Variants in DIO2 observed in about 807,000 individuals in gnomAD.
The protein encoded by DIO2 is type II iodothyronine deiodinase.
A neutral mutation model predicts 21.4 loss-of-function variants in DIO2; 19 were observed. The ratio of observed to expected loss-of-function variants is 0.89; its 90% CI spans 0.62 to 1.30. The LOEUF (loss-of-function observed/expected upper bound fraction) is 1.30. DIO2 is among the 50% of genes most tolerant of loss of function. DIO2 has a pLI of 0.00. For missense variants in DIO2, 302 were observed against 338.1 expected (o/e 0.89, Z 0.84); for synonymous variants, 122 against 132.9 (o/e 0.92, Z 0.57).
chr14:80,218,331 T>C (rs982988169), intron 2 of DIO2, among the ~76,000 whole-genome samples: 2 of 152,158 alleles, frequency 1.3e-5, no homozygotes, highest in Admixed American at 6.5e-5. Context: ...ACTTTGGATG[T>C]AGTAGAAAAT....
At chr14:80,209,245 A>G (rs918343853) in intron 1 of DIO2, among the ~76,000 whole-genome samples, 1 of 152,170 alleles carries the variant, frequency 6.6e-6, no homozygotes, top group Admixed American at 6.5e-5. Context: ...GTAACATTAC[A>G]GCCCCCATTG....
At chr14:80,204,850 T>C (rs1405764620) in intron 1 of DIO2, among the ~76,000 whole-genome samples, 1 of 152,160 alleles carries the variant, frequency 6.6e-6, no homozygotes, top group African/African-American at 2.4e-5. Flanking sequence ...TTAAAGTTCT[T>C]TCTCTCCCTT....
chr14:80,211,448 G>T lies in DIO2; in HGVS notation c.25C>A (p.Leu9Met). MGILSVDLLITLQILPVFF... is the reference protein window; with the variant it reads MGILSVDLMITLQILPVFF... ...ACTGGCAGAATTTGCAGTGTGATCA[G>T]CAAGTCTACGCTGAGGATGCCCATC... The change falls in exon 1 of 2, where the codon CTG becomes ATG. Residue 9 changes from leucine (L) to methionine (M), a missense_variant. Coordinates refer to ENST00000438257, the MANE Select transcript of DIO2 (RefSeq NM_013989.5). 6.2e-7 allele frequency: 1 copy of T among 1,611,044 alleles called. No homozygotes were observed. Among genetic ancestry groups the T allele is most frequent in the Non-Finnish European group, 8.5e-7 (1 of 1,178,836 alleles).
chr14:80,219,585 C>T (rs1013036311), intron 2 of DIO2: 1 of 149,398 alleles, frequency 6.7e-6, no homozygotes, highest in African/African-American at 2.5e-5. Flanking sequence ...TTAGTCATTG[C>T]GCTGGGCATT....
upstream of DIO2, chr14:80,211,575 AAGGTTGGGGGTTGGGG>A: frequency 6.3e-5 from 2 of 31,782 alleles, no homozygotes; most frequent in East Asian, 6.6e-4. Flanking sequence ...GGTAAGGGGG[AAGGTTGGGGGTTGGGG>A]GAGAAGGGGA....
rs765759364 is a variant in DIO2 at position 80,202,928 on chromosome 14, C to T, written c.583G>A (p.Ala195Thr). 6.2e-7 allele frequency: 1 copy of T among 1,613,984 alleles called. No individual in the cohort carries two copies. Among genetic ancestry groups the T allele is most frequent in the Non-Finnish European group, 8.5e-7 (1 of 1,179,892 alleles). Residue 195 changes from alanine (A) to threonine (T), a missense_variant, in exon 2 of 2, where the codon GCC (alanine) becomes ACC (threonine). Transcript: ENST00000438257. ...GAGAAACGCTCCAGAAGCTGCTGGG[C>T]TGCTGCACATCGATCTTCCTGGTTC... Reference protein sequence around the residue: ...HQNQEDRCAAAQQLLERFSLP... With the variant: ...HQNQEDRCAATQQLLERFSLP...
intron 2 of DIO2, among the ~76,000 whole-genome samples, chr14:80,224,304 A>T (rs1360442284): frequency 2.0e-5 from 3 of 152,136 alleles, no homozygotes; most frequent in Admixed American, 6.6e-5. Context: ...TAGGCTAAAA[A>T]ATTCCACCAC....
At chr14:80,214,376 A>C (rs761566219), upstream of DIO2, among the ~76,000 whole-genome samples, 1 of 152,262 alleles carries the variant, frequency 6.6e-6, no homozygotes, top group Non-Finnish European at 1.5e-5. Context: ...AGAAAATCAG[A>C]AAAACCTTTC....
intron 1 of DIO2, among the ~76,000 whole-genome samples, chr14:80,206,552 C>T (rs1887965718): frequency 1.3e-5 from 2 of 152,056 alleles, no homozygotes; most frequent in East Asian, 1.9e-4. Context: ...CCATTGTCTT[C>T]GATGATGGAA....
intron 2 of DIO2, among the ~76,000 whole-genome samples, chr14:80,223,313 C>T (rs1181539645): frequency 6.6e-6 from 1 of 152,102 alleles, no homozygotes; most frequent in Non-Finnish European, 1.5e-5. Context: ...AAGTTACATA[C>T]CTTGTCAATT....
rs1887720369 is a variant in DIO2, at chr14:80,201,474, A to AAT, written c.*1213_*1214dup. On this transcript the variant is annotated 3_prime_UTR_variant, in exon 2 of 2. Coordinates refer to ENST00000438257, the MANE Select transcript of DIO2 (RefSeq NM_013989.5). Reference sequence around the variant, plus strand: ...GTACCTACCTCCCGCAGCAGCTGAGAATATATATACATATATTTGTATGTA... The same window carrying AAT: ...GTACCTACCTCCCGCAGCAGCTGAGAATATATATATACATATATTTGTATGTA... The AAT allele has an allele frequency of 6.6e-6, 1 of 152,128 alleles. No individual in the cohort carries two copies. Among genetic ancestry groups the AAT allele is most frequent in the Admixed American group, 6.5e-5 (1 of 15,274 alleles). 9.4% of individuals were successfully genotyped at this position (152,128 alleles called of 1,614,324 possible).
At chr14:80,211,955 C>G (rs1380748401), upstream of DIO2, 1 of 149,928 alleles carries the variant, frequency 6.7e-6, no homozygotes, top group African/African-American at 2.4e-5. Flanking sequence ...TTAAACGTAG[C>G]CTGTTTCTTT....
At chr14:80,225,243 C>A (rs1888551513) in intron 2 of DIO2, among the ~76,000 whole-genome samples, 1 of 152,132 alleles carries the variant, frequency 6.6e-6, no homozygotes, top group African/African-American at 2.4e-5. Context: ...TATCTACCAT[C>A]ACAAATCCAC....
intron 1 of DIO2, among the ~76,000 whole-genome samples, chr14:80,207,816 A>G (rs972478173): frequency 3.6e-4 from 55 of 152,026 alleles, no homozygotes; most frequent in African/African-American, 1.2e-3. Context: ...TCATTCCCCA[A>G]TGTTTTATCC....
Position 80,202,780 on chromosome 14 carries a change from T to C in DIO2, c.731A>G (p.Lys244Arg), listed in dbSNP as rs1459343425. Residue 244 changes from lysine to arginine, a missense_variant, in exon 2 of 2, where the codon AAG becomes AGG. By Grantham distance (26) the Lys-to-Arg change is conservative. Coordinates refer to ENST00000438257, the MANE Select transcript of DIO2 (RefSeq NM_013989.5). ...TTGAAGGTTGTAGGAGAAGGGGCCC[T>C]TTCCTCCCAGATAAGCAATTTTCTG... ...QRQKIAYLGG[K>R]GPFSYNLQEV... 6.2e-7 allele frequency: 1 copy of C among 1,613,836 alleles called. No individual in the cohort carries two copies. Among genetic ancestry groups the C allele is most frequent in the Non-Finnish European group, 8.5e-7 (1 of 1,179,868 alleles).
intron 2 of DIO2, among the ~76,000 whole-genome samples, chr14:80,222,441 A>C (rs1888483666): frequency 6.6e-6 from 1 of 152,224 alleles, no homozygotes; most frequent in African/African-American, 2.4e-5. Context: ...CTATCTACCT[A>C]GCCTTCCCCA....
At chr14:80,224,280 C>T (rs186061614) in intron 2 of DIO2, among the ~76,000 whole-genome samples, 44 of 152,186 alleles carry the variant, frequency 2.9e-4, no homozygotes, top group Admixed American at 4.6e-4. Context: ...TAGTTTGTTT[C>T]GCAATTTGTA....
chr14:80,223,644 A>T (rs902201589), intron 2 of DIO2, among the ~76,000 whole-genome samples: 7 of 152,208 alleles, frequency 4.6e-5, no homozygotes, highest in Non-Finnish European at 1.0e-4. Flanking sequence ...ATTCATAAAA[A>T]GTTGAAAAAG....
At chr14:80,211,006 T>C (rs112126952) in intron 1 of DIO2, among the ~76,000 whole-genome samples, 1 of 152,326 alleles carries the variant, frequency 6.6e-6, no homozygotes, top group South Asian at 2.1e-4. Flanking sequence ...CACAGCAAGA[T>C]ATTAATAACC....
Sources: allele counts gnomAD v4.1 joint callset (sites outside exome capture counted in the v4.1 genomes callset), GRCh38; gene constraint gnomAD v4.1.1; transcripts MANE v1.5; gene names NCBI Gene and HGNC (gene_info 2026-07-23, HGNC 2026-07-21).